The following CYP27A1 variants were observed in gnomAD, a reference collection of about 807,000 sequenced individuals.
CYP27A1 encodes cytochrome P450 family 27 subfamily A member 1.
A neutral mutation model predicts 58.2 loss-of-function variants in CYP27A1; 46 were observed. That is an observed-to-expected ratio of 0.79 (90% CI 0.62 to 1.01). The LOEUF (loss-of-function observed/expected upper bound fraction) is 1.01. CYP27A1 is among the 50% of genes least tolerant of loss of function. CYP27A1 has a pLI of 0.00. For missense variants in CYP27A1, 704 were observed against 687.0 expected (o/e 1.02, Z -0.28); for synonymous variants, 274 against 285.1 (o/e 0.96, Z 0.39).
chr2:218,783,586 C>T (rs1247443620), intron 1 of CYP27A1, among the ~76,000 whole-genome samples: 1 of 152,178 alleles, frequency 6.6e-6, no homozygotes, highest in African/African-American at 2.4e-5. Flanking sequence ...GGCTTCTGCC[C>T]TCATGGGGCT....
intron 1 of CYP27A1, among the ~76,000 whole-genome samples, chr2:218,783,714 G>A (rs987746326): frequency 1.3e-5 from 2 of 152,162 alleles, no homozygotes; most frequent in Non-Finnish European, 2.9e-5. Flanking sequence ...AGGGGGCTTC[G>A]ATTCGGGGTG....
intron 1 of CYP27A1, among the ~76,000 whole-genome samples, chr2:218,784,002 G>A (rs1218766559): frequency 6.6e-6 from 1 of 152,172 alleles, no homozygotes; most frequent in Non-Finnish European, 1.5e-5. Flanking sequence ...TGTAGTAGGA[G>A]AGGTGCAGAG....
At chr2:218,798,686 C>T (rs1943569374) in intron 1 of CYP27A1, among the ~76,000 whole-genome samples, 1 of 152,074 alleles carries the variant, frequency 6.6e-6, no homozygotes, top group South Asian at 2.1e-4. Context: ...AATTCGAGAC[C>T]AGCCTGGGCA....
In CYP27A1 at chr2:218,814,584, C is replaced by T. The variant is rs1943767008; in HGVS notation, c.1303C>T (p.Pro435Ser). 1.9e-6 allele frequency: 3 copies of T among 1,614,174 alleles called. No individual in the cohort carries two copies. The highest frequency in any genetic ancestry group is 1.1e-5 in the South Asian group (1 of 91,084). ...CTGCCACTATGTGGTGTCCCGGGAC[C>T]CCACTGCCTTCTCTGAGCCTGAAAG... Reference protein sequence around the residue: ...VFCHYVVSRDPTAFSEPESFQ... With the variant: ...VFCHYVVSRDSTAFSEPESFQ... Residue 435 changes from proline to serine, a missense_variant, in exon 8 of 9, where the codon CCC becomes TCC. Coordinates refer to ENST00000258415, the MANE Select transcript of CYP27A1 (RefSeq NM_000784.4).
chr2:218,790,548 G>A (rs1943482465), intron 1 of CYP27A1, among the ~76,000 whole-genome samples: 1 of 152,166 alleles, frequency 6.6e-6, no homozygotes, highest in African/African-American at 2.4e-5. Flanking sequence ...GCCAACAGCT[G>A]CATAGATACT....
rs762433789 is a variant in CYP27A1, at chr2:218,782,446, C to T, written c.255+9C>T. ...AACTGCACCAGTTACAGGTAACCCG[C>T]GGGGGCATCGCGTCCTGGGGATGGG... is the stretch of plus-strand genomic sequence containing the variant. On this transcript the variant is annotated intron_variant, in intron 1 of 8. Coordinates refer to ENST00000258415, the MANE Select transcript of CYP27A1 (RefSeq NM_000784.4). The surrounding 1 kb of genome is among the most constrained non-coding windows in gnomAD (Gnocchi z 4.1). 29 of 1,613,986 alleles carry T rather than the reference C, an allele frequency of 1.8e-5. No homozygotes were observed. The highest frequency in any genetic ancestry group is 2.4e-5 in the Non-Finnish European group (28 of 1,180,004).
intron 1 of CYP27A1, among the ~76,000 whole-genome samples, chr2:218,802,159 C>T (rs1372470625): frequency 6.6e-6 from 1 of 151,838 alleles, no homozygotes; most frequent in Non-Finnish European, 1.5e-5. Flanking sequence ...TAGTTTAGCC[C>T]GTGCGGCCTA....
chr2:218,812,202 G>T lies in CYP27A1; in HGVS notation c.447-20G>T. On this transcript the variant is annotated intron_variant, in intron 2 of 8. Coordinates refer to ENST00000258415, the MANE Select transcript of CYP27A1 (RefSeq NM_000784.4). Reference sequence around the variant, plus strand: ...CCCCATAGAGGCTTATCTTTGTGCTGTTCCTCTGCGTCCCTGCAGGGAAGG... The same window carrying T: ...CCCCATAGAGGCTTATCTTTGTGCTTTTCCTCTGCGTCCCTGCAGGGAAGG... 1 of 1,607,194 alleles carries T rather than the reference G, an allele frequency of 6.2e-7. No homozygotes were observed. The highest frequency in any genetic ancestry group is 1.1e-5 in the South Asian group (1 of 90,956).
chr2:218,782,262 C>G lies in CYP27A1; in HGVS notation c.80C>G (p.Ala27Gly), dbSNP rs1159899670. 1 of 1,563,182 alleles carries G rather than the reference C, an allele frequency of 6.4e-7. No individual in the cohort carries two copies. Among genetic ancestry groups the G allele is most frequent in the Non-Finnish European group, 8.7e-7 (1 of 1,155,162 alleles). Reference sequence around the variant, plus strand: ...GGCCTCTGCCCCCACGGGGCCAGAGCCAAGGCCGCGATCCCTGCCGCCCTC... The same window carrying G: ...GGCCTCTGCCCCCACGGGGCCAGAGGCAAGGCCGCGATCCCTGCCGCCCTC... ...GRGLCPHGARAKAAIPAALPS... is the reference protein window; with the variant it reads ...GRGLCPHGARGKAAIPAALPS... Residue 27 changes from alanine to glycine, a missense_variant, in exon 1 of 9, where the codon GCC becomes GGC. Coordinates refer to ENST00000258415, the MANE Select transcript of CYP27A1 (RefSeq NM_000784.4). This position sits in a 1 kb window ranked among gnomAD's most constrained non-coding sequence, Gnocchi z 4.1.
chr2:218,783,268 AAAAAAAAAG>A (rs1943412195), intron 1 of CYP27A1, among the ~76,000 whole-genome samples: 1 of 151,506 alleles, frequency 6.6e-6, no homozygotes, highest in African/African-American at 2.4e-5. Context: ...AAAAAAAAAA[AAAAAAAAAG>A]AAAAAAAGAA....
chr2:218,810,194 G>A (rs1316801478), intron 2 of CYP27A1, among the ~76,000 whole-genome samples: 7 of 151,884 alleles, frequency 4.6e-5, no homozygotes, highest in Non-Finnish European at 7.4e-5. Context: ...CAGGAGGATC[G>A]TTTGAACCCA....
chr2:218,809,473 C>G, intron 1 of CYP27A1, 104 bp from the exon 2 acceptor site: 2 of 297,712 alleles, frequency 6.7e-6, no homozygotes, highest in Non-Finnish European at 1.3e-5. Flanking sequence ...TTGCCCAGCT[C>G]ATTTGCTCTT....
intron 1 of CYP27A1, among the ~76,000 whole-genome samples, chr2:218,795,961 A>AG (rs1275381096): frequency 1.3e-5 from 2 of 152,164 alleles, no homozygotes; most frequent in Admixed American, 1.3e-4. Context: ...AGCTGAGCCC[A>AG]GCCATGGGTT....
At chr2:218,799,948 GAGA>G (rs1056351123) in intron 1 of CYP27A1, among the ~76,000 whole-genome samples, 3 of 152,028 alleles carry the variant, frequency 2.0e-5, no homozygotes, top group African/African-American at 7.3e-5. Flanking sequence ...ATCCTCCTTA[GAGA>G]AGGAGGGACT....
At chr2:218,808,755 A>G (rs948917525) in intron 1 of CYP27A1, among the ~76,000 whole-genome samples, 3 of 152,134 alleles carry the variant, frequency 2.0e-5, no homozygotes, top group African/African-American at 7.2e-5. Context: ...TTTGTGGGTT[A>G]TTTTAAATTT....
chr2:218,798,150 G>A (rs1943564269), intron 1 of CYP27A1, among the ~76,000 whole-genome samples: 1 of 151,720 alleles, frequency 6.6e-6, no homozygotes, highest in Non-Finnish European at 1.5e-5. Context: ...TTACAGGCAT[G>A]CACCACCACA....
chr2:218,813,101 G>A lies in CYP27A1; in HGVS notation c.1017+5G>A, dbSNP rs370304209. 4.6e-5 allele frequency: 74 copies of A among 1,606,418 alleles called. No individual in the cohort carries two copies. Among genetic ancestry groups the A allele is most frequent in the East Asian group, 3.6e-4 (16 of 44,718 alleles). On this transcript the variant is annotated splice_donor_5th_base_variant and intron_variant, in intron 5 of 8. Coordinates refer to ENST00000258415, the MANE Select transcript of CYP27A1 (RefSeq NM_000784.4). The stretch of plus-strand genomic sequence containing the variant: ...CTCATGGCTGGAGTGGACACGGTGC[G>A]TGAAGGGGGAGGGTGAGACCAGGGG...
At chr2:218,812,844 C>T (rs1943738308) in intron 4 of CYP27A1, 80 bp from the exon 5 acceptor site, 1 of 1,606,206 alleles carries the variant, frequency 6.2e-7, no homozygotes, top group African/African-American at 1.3e-5. Flanking sequence ...CCTCATGCTA[C>T]CAGTTGTCGG....
chr2:218,790,667 T>C (rs1943483688), intron 1 of CYP27A1, among the ~76,000 whole-genome samples: 1 of 152,154 alleles, frequency 6.6e-6, no homozygotes, highest in Admixed American at 6.5e-5. Context: ...TAGAATCTGC[T>C]AGAGAGCCTA....
Sources: allele counts gnomAD v4.1 joint callset (sites outside exome capture counted in the v4.1 genomes callset), GRCh38; gene constraint gnomAD v4.1.1; non-coding constraint Gnocchi (gnomAD v3.1); transcripts MANE v1.5; gene names NCBI Gene and HGNC (gene_info 2026-07-23, HGNC 2026-07-21).